PSMA1: variants seen among roughly 807,000 people sequenced by gnomAD.
The protein encoded by PSMA1 is proteasome subunit alpha type-1.
Under a neutral mutation model 38.4 loss-of-function variants are expected in PSMA1, and 3 were observed. That is an observed-to-expected ratio of 0.08 (90% CI 0.04 to 0.20). The LOEUF (loss-of-function observed/expected upper bound fraction) is 0.20. Among genes scored for constraint, PSMA1 ranks in the 10% least tolerant of loss-of-function variants. The pLI is 1.00. For synonymous variants in PSMA1, 101 were observed against 107.1 expected, an observed-to-expected ratio of 0.94 and a Z score of 0.35; for missense variants, 227 against 325.3, an observed-to-expected ratio of 0.70 and a Z score of 2.32.
intron 2 of PSMA1, among the ~76,000 whole-genome samples, chr11:14,594,425 G>T (rs1295182693): frequency 6.6e-6 from 1 of 152,014 alleles, no homozygotes; most frequent in African/African-American, 2.4e-5. Flanking sequence ...GGGAAGGGGG[G>T]GGTTCAGCTT....
At chr11:14,532,085 G>A (rs1851653235) in intron 2 of PSMA1, among the ~76,000 whole-genome samples, 1 of 148,798 alleles carries the variant, frequency 6.7e-6, no homozygotes, top group Non-Finnish European at 1.5e-5. Context: ...ATTTTTTTCA[G>A]GGTACAGGAG....
chr11:14,619,411 C>T (rs1489315705), intron 1 of PSMA1, among the ~76,000 whole-genome samples: 1 of 151,936 alleles, frequency 6.6e-6, no homozygotes, highest in African/African-American at 2.4e-5. Context: ...TGAACTCCAA[C>T]CTGGGTGACA....
intron 1 of PSMA1, among the ~76,000 whole-genome samples, chr11:14,615,579 T>A (rs927869908): frequency 1.3e-5 from 2 of 152,360 alleles, no homozygotes; most frequent in South Asian, 4.1e-4. Flanking sequence ...TTTCCCTTTG[T>A]TTCTTCAGGC....
At position 14,618,552 on chromosome 11, in the gene PSMA1, C is replaced by G. The variant is rs541340938; in HGVS notation, c.-165-7401G>C. 2.8e-4 allele frequency among the ~76,000 whole-genome samples: 42 copies of G among 152,302 alleles called. No individual in the cohort carries two copies. The South Asian group carries it at 6.2e-3, about 23-fold the overall frequency. On this transcript the variant is annotated intron_variant, in intron 1 of 10. Coordinates refer to the PSMA1 transcript ENST00000418988. ...AATACTATATGGAATTATCCAAATCCTAAGCATCTAAAGGAATTGTCATTT... is the reference window on the plus strand; with the variant it reads ...AATACTATATGGAATTATCCAAATCGTAAGCATCTAAAGGAATTGTCATTT...
intron 8 of PSMA1, among the ~76,000 whole-genome samples, chr11:14,508,136 T>C (rs1027691752): frequency 1.3e-5 from 2 of 152,204 alleles, no homozygotes; most frequent in African/African-American, 4.8e-5. Context: ...ATCATTAACT[T>C]CAAGTAGGCC....
chr11:14,521,442 T>C (rs376284513), upstream of PSMA1, among the ~76,000 whole-genome samples: 103 of 146,286 alleles, frequency 7.0e-4, 1 homozygote, highest in South Asian at 5.7e-3. Flanking sequence ...CAGTGAGCCA[T>C]GGTCGCGCCG....
intron 2 of PSMA1, among the ~76,000 whole-genome samples, chr11:14,537,036 A>T (rs1392573778): frequency 6.6e-6 from 1 of 152,248 alleles, no homozygotes; most frequent in Non-Finnish European, 1.5e-5. Context: ...GCTTACAAAT[A>T]GGCCAAATAT....
At chr11:14,570,782 A>G (rs2575863) in intron 2 of PSMA1, among the ~76,000 whole-genome samples, 13,042 of 152,282 alleles carry the variant, frequency 0.086, 907 homozygotes, top group African/African-American at 0.19. Context: ...AACACTCTTC[A>G]GAATATTATC....
intron 2 of PSMA1, 149 bp downstream of exon 2, chr11:14,518,848 G>A: frequency 3.1e-6 from 2 of 638,328 alleles, no homozygotes; most frequent in Non-Finnish European, 5.3e-6. Flanking sequence ...GGTCCATCAG[G>A]AAACCTATTT....
intron 1 of PSMA1, among the ~76,000 whole-genome samples, chr11:14,616,993 G>T (rs1171776690): frequency 6.6e-6 from 1 of 152,218 alleles, no homozygotes; most frequent in Non-Finnish European, 1.5e-5. Flanking sequence ...GTCACAGACA[G>T]TGCTGGACTT....
chr11:14,611,870 T>C (rs1440417137), intron 1 of PSMA1, among the ~76,000 whole-genome samples: 2 of 152,214 alleles, frequency 1.3e-5, no homozygotes, highest in African/African-American at 2.4e-5. Context: ...TACCTTATTT[T>C]GAGTGGAATA....
intron 2 of PSMA1, among the ~76,000 whole-genome samples, chr11:14,559,827 T>C (rs574232619): frequency 1.2e-3 from 189 of 152,298 alleles, no homozygotes; most frequent in South Asian, 6.2e-3. Context: ...AAATAGACTC[T>C]GAGATGGATA....
chr11:14,579,918 TG>T (rs1336720325), intron 2 of PSMA1, among the ~76,000 whole-genome samples: 1 of 152,098 alleles, frequency 6.6e-6, no homozygotes, highest in African/African-American at 2.4e-5. Flanking sequence ...GGCTGATGGA[TG>T]GGTAAGAGGG....
At position 14,576,703 on chromosome 11, in the gene PSMA1, T is replaced by A. The variant is rs534552516; in HGVS notation, c.21+34263A>T. On this transcript the variant is annotated intron_variant, in intron 2 of 10. Transcript: ENST00000418988. ...TGTAGCCTTGTAGTATAGTTTGAAGTCAGATAGCATGATGCCTCCAGCTTT... is the reference window on the plus strand; with the variant it reads ...TGTAGCCTTGTAGTATAGTTTGAAGACAGATAGCATGATGCCTCCAGCTTT... Among the ~76,000 whole-genome samples the A allele has an allele frequency of 7.9e-5, 12 of 152,328 alleles. No homozygotes were observed. The East Asian group carries it at 2.3e-3, about 29-fold the overall frequency.
intron 1 of PSMA1, among the ~76,000 whole-genome samples, chr11:14,627,821 A>G (rs1200285699): frequency 6.6e-6 from 1 of 152,186 alleles, no homozygotes; most frequent in Non-Finnish European, 1.5e-5. Flanking sequence ...CTTCCTTGCA[A>G]TGCCATCCTC....
intron 2 of PSMA1, among the ~76,000 whole-genome samples, chr11:14,542,750 A>T (rs1341634724): frequency 6.6e-6 from 1 of 152,238 alleles, no homozygotes; most frequent in Non-Finnish European, 1.5e-5. Context: ...GTTCCAGAGA[A>T]GTAAGGATAT....
intron 1 of PSMA1, among the ~76,000 whole-genome samples, chr11:14,631,839 T>A (rs1853017600): frequency 1.3e-5 from 2 of 151,350 alleles, no homozygotes; most frequent in South Asian, 4.2e-4. Flanking sequence ...GCTTTATGAA[T>A]CTTGGTGCTC....
intron 2 of PSMA1, among the ~76,000 whole-genome samples, chr11:14,533,406 G>C (rs1565038519): frequency 6.6e-6 from 1 of 152,158 alleles, no homozygotes; most frequent in African/African-American, 2.4e-5. Context: ...CTGGAATCAA[G>C]TAAGTGAATG....
At chr11:14,558,204 G>A (rs548484775) in intron 2 of PSMA1, among the ~76,000 whole-genome samples, 7 of 147,878 alleles carry the variant, frequency 4.7e-5, no homozygotes, top group South Asian at 2.1e-4. Flanking sequence ...CTTAAGGACA[G>A]GAGCTCGAGA....
Sources: gnomAD v4.1 joint callset for allele counts (sites outside exome capture counted in the v4.1 genomes callset) on GRCh38, gnomAD v4.1.1 for gene constraint, MANE v1.5 for transcripts, NCBI Gene and HGNC (gene_info 2026-07-23, HGNC 2026-07-21) for gene names.